Variants in ITGA9 observed in about 807,000 individuals in gnomAD.
The protein encoded by ITGA9 is integrin subunit alpha 9, also known as integrin alpha-9.
Under a neutral mutation model 127.8 loss-of-function variants are expected in ITGA9, and 56 were observed. The observed-to-expected ratio is 0.44, with a 90% CI of 0.35 to 0.55. ITGA9 has a LOEUF of 0.55. Ranked by LOEUF, ITGA9 falls within the 20% of genes least tolerant of loss-of-function variation. The pLI is 0.00. For missense variants in ITGA9, 1,196 were observed against 1,347.1 expected (o/e 0.89, Z 1.76); for synonymous variants, 508 against 514.5 (o/e 0.99, Z 0.17).
At chr3:37,701,568 T>G (rs967691589) in intron 18 of ITGA9, among the ~76,000 whole-genome samples, 1 of 152,176 alleles carries the variant, frequency 6.6e-6, no homozygotes, top group African/African-American at 2.4e-5. Flanking sequence ...AGCTGTTGAT[T>G]GAGGGCTGCT....
intron 10 of ITGA9, among the ~76,000 whole-genome samples, chr3:37,518,450 G>A (rs1699009806): frequency 6.6e-6 from 1 of 152,172 alleles, no homozygotes; most frequent in South Asian, 2.1e-4. Context: ...GAAGATCTAG[G>A]TTTTGTTCTA....
intron 17 of ITGA9, among the ~76,000 whole-genome samples, chr3:37,673,190 T>A (rs916217375): frequency 3.9e-5 from 6 of 152,118 alleles, no homozygotes; most frequent in African/African-American, 1.4e-4. Flanking sequence ...GAAAACCGAC[T>A]CCATTTTAGT....
intron 17 of ITGA9, among the ~76,000 whole-genome samples, chr3:37,666,482 C>T (rs1353476535): frequency 6.6e-6 from 1 of 152,162 alleles, no homozygotes; most frequent in South Asian, 2.1e-4. Flanking sequence ...CATTTGGGCC[C>T]CCTCTTGCAT....
At chr3:37,521,698 C>G (rs1039725137) in intron 11 of ITGA9, among the ~76,000 whole-genome samples, 8 of 152,230 alleles carry the variant, frequency 5.3e-5, no homozygotes, top group Admixed American at 3.3e-4. Context: ...CTCGTCCCAG[C>G]CACAGCATAC....
intron 15 of ITGA9, among the ~76,000 whole-genome samples, chr3:37,551,276 C>T (rs910289326): frequency 7.2e-5 from 11 of 152,064 alleles, no homozygotes; most frequent in African/African-American, 9.7e-5. Context: ...GGATTCTGTT[C>T]GCCAGCCCCT....
intron 16 of ITGA9, among the ~76,000 whole-genome samples, chr3:37,631,902 A>T (rs1700233102): frequency 6.6e-6 from 1 of 152,228 alleles, no homozygotes; most frequent in Admixed American, 6.5e-5. Flanking sequence ...GTGTTAAATA[A>T]ACTGTTTAAG....
chr3:37,603,627 C>G (rs558147700), intron 15 of ITGA9, among the ~76,000 whole-genome samples: 3 of 152,200 alleles, frequency 2.0e-5, no homozygotes, highest in Non-Finnish European at 4.4e-5. Flanking sequence ...CTCTAAGTTT[C>G]CTTACCAAAA....
At chr3:37,475,648 T>C (rs574232930) in intron 3 of ITGA9, among the ~76,000 whole-genome samples, 1 of 152,238 alleles carries the variant, frequency 6.6e-6, no homozygotes. Flanking sequence ...AGTAAGCCAC[T>C]GTATATGGGT....
At chr3:37,776,109 A>G (rs79976427) in intron 23 of ITGA9, among the ~76,000 whole-genome samples, 87 of 152,350 alleles carry the variant, frequency 5.7e-4, no homozygotes, top group African/African-American at 2.0e-3. Flanking sequence ...CATGATCTCA[A>G]TGATAAGTGG....
chr3:37,777,652 C>A, intron 24 of ITGA9, 135 bp downstream of exon 24: 1 of 957,370 alleles, frequency 1.0e-6, no homozygotes, highest in Non-Finnish European at 1.6e-6. Flanking sequence ...CTGTGGTCAA[C>A]TCCTAATTTT....
Position 37,481,515 on chromosome 3 carries a change from A to G in ITGA9, c.452A>G (p.Tyr151Cys), listed in dbSNP as rs772368713. ...GCTCATCGCTGGAAGAACATCTACT[A>G]TGAAGCCGACCACATCCTACCCCAT... ...ACAHRWKNIY[Y>C]EADHILPHGF... is the part of the protein sequence containing the mutation. The change falls in exon 4 of 28, where the codon TAT (tyrosine) becomes TGT (cysteine). Residue 151 changes from tyrosine to cysteine, a missense_variant. By Grantham distance (194) the Tyr-to-Cys change is radical. Coordinates refer to ENST00000264741, the MANE Select transcript of ITGA9 (RefSeq NM_002207.3). 2.5e-6 allele frequency: 4 copies of G among 1,614,040 alleles called. No individual in the cohort carries two copies. Among genetic ancestry groups the G allele is most frequent in the Non-Finnish European group, 3.4e-6 (4 of 1,180,034 alleles).
intron 3 of ITGA9, among the ~76,000 whole-genome samples, chr3:37,477,826 G>A (rs1698509276): frequency 6.6e-6 from 1 of 152,032 alleles, no homozygotes; most frequent in African/African-American, 2.4e-5. Flanking sequence ...TTATTTTTGT[G>A]CAGAAGCAGT....
intron 15 of ITGA9, among the ~76,000 whole-genome samples, chr3:37,628,242 G>A (rs898595831): frequency 6.6e-6 from 1 of 152,114 alleles, no homozygotes; most frequent in Non-Finnish European, 1.5e-5. Context: ...TGCTCCACTT[G>A]GAAGTCCTTG....
At chr3:37,747,716 C>CTTTTTTTTTTTTTTTTTTTTTTTTTT (rs56897652) in intron 22 of ITGA9, among the ~76,000 whole-genome samples, 1 of 140,042 alleles carries the variant, frequency 7.1e-6, no homozygotes, top group Non-Finnish European at 1.5e-5. Flanking sequence ...CCTTTTTTTT[C>CTTTTTTTTTTTTTTTTTTTTTTTTTT]TTTTTTTTTT....
intron 18 of ITGA9, among the ~76,000 whole-genome samples, chr3:37,703,441 T>C (rs1315687181): frequency 6.6e-6 from 1 of 152,256 alleles, no homozygotes; most frequent in Non-Finnish European, 1.5e-5. Flanking sequence ...TGCTAAGTTT[T>C]TAGTCTTCTC....
At chr3:37,599,542 G>T (rs554642562) in intron 15 of ITGA9, among the ~76,000 whole-genome samples, 11 of 152,294 alleles carry the variant, frequency 7.2e-5, no homozygotes, top group African/African-American at 2.4e-4. Context: ...TAAGTTCAAG[G>T]GATGGGAAAA....
chr3:37,733,859 A>G (rs944724282), intron 19 of ITGA9, among the ~76,000 whole-genome samples: 3 of 152,230 alleles, frequency 2.0e-5, no homozygotes, highest in Non-Finnish European at 4.4e-5. Context: ...GTTAGGGTCA[A>G]TGTTGTTCAG....
chr3:37,747,917 C>A (rs1301192319), intron 22 of ITGA9, among the ~76,000 whole-genome samples: 1 of 151,772 alleles, frequency 6.6e-6, no homozygotes, highest in Non-Finnish European at 1.5e-5. Context: ...GAGAGGGGGT[C>A]GGGTTTTAGA....
intron 15 of ITGA9, among the ~76,000 whole-genome samples, chr3:37,616,188 G>A (rs1559550101): frequency 6.6e-6 from 1 of 152,210 alleles, no homozygotes; most frequent in Non-Finnish European, 1.5e-5. Flanking sequence ...TGGTTTCAAA[G>A]AACATCTTTA....
Sources: allele counts gnomAD v4.1 joint callset (sites outside exome capture counted in the v4.1 genomes callset), GRCh38; gene constraint gnomAD v4.1.1; transcripts MANE v1.5; gene names NCBI Gene and HGNC (gene_info 2026-07-23, HGNC 2026-07-21).